CHCHD3: variants seen among roughly 807,000 people sequenced by gnomAD.
CHCHD3 encodes coiled-coil-helix-coiled-coil-helix domain containing 3.
A neutral mutation model predicts 38.2 loss-of-function variants in CHCHD3; 20 were observed. The ratio of observed to expected loss-of-function variants is 0.52; its 90% CI spans 0.37 to 0.76. The LOEUF (loss-of-function observed/expected upper bound fraction) is 0.76. CHCHD3 is among the 30% of genes least tolerant of loss of function. The pLI is 0.00. For missense variants in CHCHD3, 245 were observed against 279.2 expected (o/e 0.88, Z 0.87); for synonymous variants, 82 against 100.0 (o/e 0.82, Z 1.07).
intron 4 of CHCHD3, among the ~76,000 whole-genome samples, chr7:132,974,863 G>A (rs1348341742): frequency 1.3e-5 from 2 of 150,132 alleles, no homozygotes; most frequent in African/African-American, 4.9e-5. Flanking sequence ...GACAGAGCAA[G>A]ACTCCGTCTC....
At chr7:133,063,425 C>T (rs1196204706) in intron 2 of CHCHD3, among the ~76,000 whole-genome samples, 2 of 152,180 alleles carry the variant, frequency 1.3e-5, no homozygotes, top group African/African-American at 4.8e-5. Context: ...CAAGGATCCA[C>T]TTGCTTCATT....
At chr7:132,951,625 CACA>C (rs1480044813) in intron 4 of CHCHD3, among the ~76,000 whole-genome samples, 6 of 152,296 alleles carry the variant, frequency 3.9e-5, no homozygotes, top group African/African-American at 7.2e-5. Flanking sequence ...ATGATGTTGA[CACA>C]ACAACAAAAT....
At chr7:132,969,753 T>C (rs1211119389) in intron 4 of CHCHD3, among the ~76,000 whole-genome samples, 1 of 152,312 alleles carries the variant, frequency 6.6e-6, no homozygotes, top group Non-Finnish European at 1.5e-5. Context: ...AACTGGTCTC[T>C]GGGCTTCCAG....
At chr7:132,876,305 C>A (rs1325550766) in intron 5 of CHCHD3, among the ~76,000 whole-genome samples, 1 of 152,118 alleles carries the variant, frequency 6.6e-6, no homozygotes, top group African/African-American at 2.4e-5. Context: ...CTGTAATATT[C>A]TTATCAATAG....
At chr7:132,930,163 ATTT>A (rs769791949) in intron 4 of CHCHD3, among the ~76,000 whole-genome samples, 2 of 127,494 alleles carry the variant, frequency 1.6e-5, no homozygotes, top group Non-Finnish European at 3.3e-5. Flanking sequence ...CCCACTCCTA[ATTT>A]TTTTTTTTTT....
At chr7:132,933,449 C>T (rs1044613670) in intron 4 of CHCHD3, among the ~76,000 whole-genome samples, 1 of 152,068 alleles carries the variant, frequency 6.6e-6, no homozygotes, top group Non-Finnish European at 1.5e-5. Context: ...GTTCTATGGC[C>T]CTAACAACAT....
intron 7 of CHCHD3, among the ~76,000 whole-genome samples, chr7:132,791,490 T>A (rs1242655691): frequency 1.3e-5 from 2 of 152,224 alleles, no homozygotes; most frequent in Non-Finnish European, 2.9e-5. Flanking sequence ...AATGTAGAGT[T>A]CATCTGAAAA....
intron 5 of CHCHD3, among the ~76,000 whole-genome samples, chr7:132,865,454 A>G (rs1808595089): frequency 6.6e-6 from 1 of 152,158 alleles, no homozygotes; most frequent in Non-Finnish European, 1.5e-5. Flanking sequence ...TGCAAATAAC[A>G]GCAATCAGGC....
intron 3 of CHCHD3, among the ~76,000 whole-genome samples, chr7:133,022,846 TGAA>T (rs1227771089): frequency 6.2e-5 from 6 of 96,006 alleles, no homozygotes; most frequent in African/African-American, 2.5e-4. Flanking sequence ...AGCTGAATAA[TGAA>T]GAAGAAGAAA....
intron 5 of CHCHD3, among the ~76,000 whole-genome samples, chr7:132,856,263 G>A (rs532877531): frequency 1.3e-5 from 2 of 152,254 alleles, no homozygotes; most frequent in East Asian, 1.9e-4. Context: ...AAGCATATGC[G>A]TTCTGTTAGT....
chr7:132,972,531 G>T (rs1217831462), intron 4 of CHCHD3: 1 of 921,578 alleles, frequency 1.1e-6, no homozygotes, highest in South Asian at 5.0e-5. Flanking sequence ...TTGATCCAAT[G>T]AATATGTATG....
At chr7:132,820,611 GTTTTTTTTTTTTTTTT>G in intron 6 of CHCHD3, among the ~76,000 whole-genome samples, 1 of 96,188 alleles carries the variant, frequency 1.0e-5, no homozygotes, top group Admixed American at 1.2e-4. Context: ...ATGTGCTAGT[GTTTTTTTTTTTTTTTT>G]TTTTTTTTTA....
At chr7:132,847,118 C>T (rs1015083513) in intron 5 of CHCHD3, among the ~76,000 whole-genome samples, 5 of 152,144 alleles carry the variant, frequency 3.3e-5, no homozygotes, top group Admixed American at 2.0e-4. Flanking sequence ...AGCTACTGCA[C>T]CTGCAGTTAT....
intron 5 of CHCHD3, among the ~76,000 whole-genome samples, chr7:132,856,135 T>C (rs1808337925): frequency 6.6e-6 from 1 of 152,210 alleles, no homozygotes; most frequent in African/African-American, 2.4e-5. Flanking sequence ...ACATCTTCCA[T>C]GTGGGCTGCA....
intron 5 of CHCHD3, among the ~76,000 whole-genome samples, chr7:132,867,749 A>G (rs1808667880): frequency 6.6e-6 from 1 of 152,218 alleles, no homozygotes; most frequent in Non-Finnish European, 1.5e-5. Context: ...AAAGACTTAT[A>G]CCAATACCCT....
At chr7:132,955,931 C>T (rs1477715146) in intron 4 of CHCHD3, among the ~76,000 whole-genome samples, 3 of 152,118 alleles carry the variant, frequency 2.0e-5, no homozygotes, top group African/African-American at 7.2e-5. Context: ...GGGGGATTTT[C>T]CGAAAACTGA....
In CHCHD3 at chr7:133,065,042, T is replaced by C. The variant is rs112174039; in HGVS notation, c.169+5100A>G. ...TTTTTTAAAATCAAAAGATGCAAGA[T>C]GTTAATGAAAAGGTAAGTTTATAAC... On this transcript the variant is annotated intron_variant, in intron 2 of 7. Coordinates refer to ENST00000262570, the MANE Select transcript of CHCHD3 (RefSeq NM_017812.4). 4.8e-3 allele frequency among the ~76,000 whole-genome samples: 729 copies of C among 152,306 alleles called. 10 individuals carry two copies. The highest frequency in any genetic ancestry group is 0.016 in the African/African-American group (674 of 41,566).
intron 5 of CHCHD3, among the ~76,000 whole-genome samples, chr7:132,862,688 A>G (rs968993750): frequency 2.6e-5 from 4 of 152,146 alleles, no homozygotes; most frequent in Admixed American, 2.6e-4. Flanking sequence ...ATAGAGTAAA[A>G]CTTCTTTCAA....
chr7:132,927,859 A>G (rs545869599), intron 4 of CHCHD3, among the ~76,000 whole-genome samples: 2 of 152,314 alleles, frequency 1.3e-5, no homozygotes, highest in Non-Finnish European at 2.9e-5. Context: ...AAAAGGGACC[A>G]TCTTACCTGT....
Sources: gnomAD v4.1 joint callset for allele counts (sites outside exome capture counted in the v4.1 genomes callset) on GRCh38, gnomAD v4.1.1 for gene constraint, MANE v1.5 for transcripts, NCBI Gene and HGNC (gene_info 2026-07-23, HGNC 2026-07-21) for gene names.